NHSL1: variants seen among roughly 807,000 people sequenced by gnomAD.
NHSL1 encodes the protein NHS like 1, also known as NHS-like protein 1.
In NHSL1, 48 loss-of-function variants were observed where a neutral mutation model predicts 95.0. The observed-to-expected ratio is 0.51, with a 90% CI of 0.40 to 0.64. The LOEUF (loss-of-function observed/expected upper bound fraction) is 0.64, where lower values mean the gene tolerates loss of function less well. NHSL1 is among the 30% of genes least tolerant of loss of function. The pLI is 0.00. For synonymous variants in NHSL1, 783 were observed against 833.9 expected, an observed-to-expected ratio of 0.94 and a Z score of 1.05; for missense variants, 1,971 against 2,077.7, an observed-to-expected ratio of 0.95 and a Z score of 1.00.
chr6:138,632,797 C>T (rs1784836589), intron 1 of NHSL1, among the ~76,000 whole-genome samples: 1 of 152,084 alleles, frequency 6.6e-6, no homozygotes, highest in African/African-American at 2.4e-5. Flanking sequence ...ACTTCAATAC[C>T]CAGACACAGA....
intron 1 of NHSL1, among the ~76,000 whole-genome samples, chr6:138,623,500 C>A (rs747768771): frequency 5.9e-5 from 9 of 152,120 alleles, no homozygotes; most frequent in Non-Finnish European, 1.2e-4. Context: ...TAACATATTA[C>A]CTCACATACT....
chr6:138,586,106 T>C (rs1187678319), intron 1 of NHSL1, among the ~76,000 whole-genome samples: 1 of 151,610 alleles, frequency 6.6e-6, no homozygotes, highest in African/African-American at 2.4e-5. Flanking sequence ...AAAACCTTTT[T>C]TTTTTTTTTA....
At chr6:138,658,476 A>G (rs974716597) in intron 1 of NHSL1, among the ~76,000 whole-genome samples, 4 of 152,246 alleles carry the variant, frequency 2.6e-5, no homozygotes, top group African/African-American at 9.6e-5. Context: ...TTCACTTTGC[A>G]TAACATCCTC....
intron 1 of NHSL1, among the ~76,000 whole-genome samples, chr6:138,552,485 T>C (rs1037252016): frequency 6.6e-6 from 1 of 152,062 alleles, no homozygotes; most frequent in Admixed American, 6.5e-5. Flanking sequence ...TTCAACTTTT[T>C]TTTCCTTCAT....
chr6:138,468,254 T>C (rs924960184), intron 3 of NHSL1, among the ~76,000 whole-genome samples: 1 of 152,224 alleles, frequency 6.6e-6, no homozygotes, highest in African/African-American at 2.4e-5. Context: ...TGCATTTTTA[T>C]TGTGCCTTTC....
intron 1 of NHSL1, among the ~76,000 whole-genome samples, chr6:138,644,850 T>C (rs1784996725): frequency 6.6e-6 from 1 of 152,250 alleles, no homozygotes; most frequent in Admixed American, 6.5e-5. Context: ...TCAATTAATA[T>C]TGGTAGAATA....
intron 1 of NHSL1, chr6:138,650,448 T>C (rs2114706734): frequency 8.1e-7 from 1 of 1,242,182 alleles, no homozygotes; most frequent in Non-Finnish European, 1.2e-6. Context: ...TGTCAAGCAT[T>C]TGGTGTGGCT....
At chr6:138,660,444 C>A (rs1785211727) in intron 1 of NHSL1, among the ~76,000 whole-genome samples, 2 of 151,942 alleles carry the variant, frequency 1.3e-5, no homozygotes, top group South Asian at 2.1e-4. Flanking sequence ...AAAATATAGA[C>A]CCTGACCAAA....
At chr6:138,668,213 C>T (rs1785319334) in intron 1 of NHSL1, among the ~76,000 whole-genome samples, 2 of 151,998 alleles carry the variant, frequency 1.3e-5, no homozygotes, top group Admixed American at 1.3e-4. Context: ...TTTGGGAGGC[C>T]GAGGTGGATG....
chr6:138,629,789 T>C (rs1470640749), intron 1 of NHSL1, among the ~76,000 whole-genome samples: 2 of 152,256 alleles, frequency 1.3e-5, no homozygotes, highest in Non-Finnish European at 2.9e-5. Flanking sequence ...GATTTCTTTC[T>C]AACCATATGT....
At chr6:138,510,084 T>C (rs529869486) in intron 1 of NHSL1, among the ~76,000 whole-genome samples, 1 of 152,332 alleles carries the variant, frequency 6.6e-6, no homozygotes, top group East Asian at 1.9e-4. Context: ...TCCCAATTAA[T>C]AATCAATAAG....
At chr6:138,471,872 T>C (rs954219946) in intron 3 of NHSL1, among the ~76,000 whole-genome samples, 26 of 152,158 alleles carry the variant, frequency 1.7e-4, no homozygotes, top group African/African-American at 5.8e-4. Flanking sequence ...GACTTATCAA[T>C]TTAAAATATT....
intron 7 of NHSL1, among the ~76,000 whole-genome samples, chr6:138,427,080 C>G (rs1443212927): frequency 6.6e-6 from 1 of 152,242 alleles, no homozygotes; most frequent in Non-Finnish European, 1.5e-5. Flanking sequence ...CAAAGCAGCT[C>G]TGCTCATTTC....
At chr6:138,515,754 T>C (rs889424057) in intron 1 of NHSL1, among the ~76,000 whole-genome samples, 4 of 152,242 alleles carry the variant, frequency 2.6e-5, no homozygotes, top group Non-Finnish European at 5.9e-5. Context: ...TGGAAGTTAA[T>C]AGTATCGGGG....
intron 1 of NHSL1, among the ~76,000 whole-genome samples, chr6:138,663,819 C>T (rs546735222): frequency 6.6e-6 from 1 of 152,106 alleles, no homozygotes; most frequent in Non-Finnish European, 1.5e-5. Flanking sequence ...TGCAGTGAGC[C>T]GAGATTGTGC....
intron 1 of NHSL1, among the ~76,000 whole-genome samples, chr6:138,514,607 T>A (rs1430614578): frequency 6.6e-6 from 1 of 151,954 alleles, no homozygotes; most frequent in African/African-American, 2.4e-5. Context: ...TCCCTCTCTC[T>A]TTTTCTCTCT....
At chr6:138,603,982 G>A (rs1784402097) in intron 1 of NHSL1, among the ~76,000 whole-genome samples, 1 of 152,084 alleles carries the variant, frequency 6.6e-6, no homozygotes, top group African/African-American at 2.4e-5. Flanking sequence ...CCTTGGAATG[G>A]ATGGGGCAAT....
chr6:138,691,224 C>G (rs1226641495), intron 1 of NHSL1, among the ~76,000 whole-genome samples: 1 of 152,174 alleles, frequency 6.6e-6, no homozygotes, highest in Non-Finnish European at 1.5e-5. Context: ...TTCCTCCCCA[C>G]TGATTTTTTT....
chr6:138,543,105 A>T (rs906213660), intron 1 of NHSL1, among the ~76,000 whole-genome samples: 1 of 152,174 alleles, frequency 6.6e-6, no homozygotes, highest in Admixed American at 6.5e-5. Context: ...TACACATGGT[A>T]GTTTGCTATT....
Sources: gnomAD v4.1 joint callset for allele counts (sites outside exome capture counted in the v4.1 genomes callset) on GRCh38, gnomAD v4.1.1 for gene constraint, MANE v1.5 for transcripts, NCBI Gene and HGNC (gene_info 2026-07-23, HGNC 2026-07-21) for gene names.